MARCHF8: variants seen among roughly 807,000 people sequenced by gnomAD.
The protein encoded by MARCHF8 is membrane associated ring-CH-type finger 8, also known as E3 ubiquitin-protein ligase MARCHF8.
A neutral mutation model predicts 51.6 loss-of-function variants in MARCHF8; 40 were observed. The observed-to-expected ratio is 0.77, with a 90% confidence interval of 0.60 to 1.01. The LOEUF (loss-of-function observed/expected upper bound fraction) is 1.01, where lower values mean the gene tolerates loss of function less well. MARCHF8 is among the 50% of genes least tolerant of loss of function. The pLI is 0.00. For synonymous variants in MARCHF8, 263 were observed against 280.3 expected (o/e 0.94, Z 0.62); for missense variants, 685 against 708.6 (o/e 0.97, Z 0.38).
At chr10:45,582,775 G>A (rs1450840633) in intron 1 of MARCHF8, among the ~76,000 whole-genome samples, 1 of 152,126 alleles carries the variant, frequency 6.6e-6, no homozygotes, top group African/African-American at 2.4e-5. Context: ...CATCTACCAA[G>A]AATCTGTATT....
chr10:45,490,739 G>A (rs903029927), intron 2 of MARCHF8, among the ~76,000 whole-genome samples: 1 of 152,144 alleles, frequency 6.6e-6, no homozygotes, highest in African/African-American at 2.4e-5. Context: ...TATTGCCTAA[G>A]GAAGAGAAGA....
At position 45,463,150 on chromosome 10, in the gene MARCHF8, C is replaced by A; in HGVS notation, c.1088+1G>T. 6.5e-7 allele frequency: 1 copy of A among 1,547,282 alleles called. No homozygotes were observed. Among genetic ancestry groups the A allele is most frequent in the Non-Finnish European group, 8.7e-7 (1 of 1,144,960 alleles). ...AGAATGGCACTTCCTGGCAAACCAA[C>A]CTGCAGACATCCCCTGACGTGGACA... is the stretch of plus-strand genomic sequence containing the variant. On this transcript the variant is annotated splice_donor_variant, in intron 5 of 7. Coordinates refer to ENST00000453424, the MANE Select transcript of MARCHF8 (RefSeq NM_001282866.2). LOFTEE classifies it high-confidence loss of function.
At chr10:45,466,989 C>T (rs1209581705) in intron 3 of MARCHF8, among the ~76,000 whole-genome samples, 2 of 152,156 alleles carry the variant, frequency 1.3e-5, no homozygotes, top group African/African-American at 2.4e-5. Flanking sequence ...CTGTGTGGTT[C>T]CCCATGTGTG....
rs1010202680 is a variant in MARCHF8 at position 45,549,499 on chromosome 10, C to CTT, written c.-78-16211_-78-16210insAA. On this transcript the variant is annotated intron_variant, in intron 1 of 6. Transcript: ENST00000319836. Reference sequence around the variant, plus strand: ...TTGGCAGCAGCATCCCAAGACAGTTCACCCACTACACATGGTGCCTCTGCT... The same window carrying CTT: ...TTGGCAGCAGCATCCCAAGACAGTTCTTACCCACTACACATGGTGCCTCTGCT... Among the ~76,000 whole-genome samples, 48 of 152,192 alleles carry CTT rather than the reference C, an allele frequency of 3.2e-4. 1 individual carries two copies. The highest frequency in any genetic ancestry group is 1.0e-3 in the African/African-American group (43 of 41,446).
At chr10:45,466,961 G>C (rs1266249412) in intron 3 of MARCHF8, among the ~76,000 whole-genome samples, 1 of 152,172 alleles carries the variant, frequency 6.6e-6, no homozygotes, top group Non-Finnish European at 1.5e-5. Context: ...ACACACGTCA[G>C]GACATGTGTT....
intron 2 of MARCHF8, among the ~76,000 whole-genome samples, chr10:45,510,855 G>A (rs937281322): frequency 7.2e-5 from 11 of 152,166 alleles, no homozygotes; most frequent in African/African-American, 2.7e-4. Context: ...GAAGTGGAAG[G>A]AGGAGGAGAG....
At position 45,482,900 on chromosome 10, in the gene MARCHF8, C is replaced by CCT. The variant is rs572559646; in HGVS notation, c.153+6465_153+6466dup. Among the ~76,000 whole-genome samples the CCT allele has an allele frequency of 9.9e-5, 15 of 152,192 alleles. No individual in the cohort carries two copies. The East Asian group carries it at 2.9e-3, about 29-fold the overall frequency. ...AAAACATGCGTTAGGGAAAGGATAC[C>CCT]CTCTCAATAAATGGTGCTGGGAAAA... On this transcript the variant is annotated intron_variant, in intron 3 of 7. Transcript: ENST00000453424.
intron 1 of MARCHF8, among the ~76,000 whole-genome samples, chr10:45,549,963 T>C (rs2044175882): frequency 6.6e-6 from 1 of 152,160 alleles, no homozygotes; most frequent in Non-Finnish European, 1.5e-5. Context: ...TCAGGTACTC[T>C]GTTACAGCAG....
intron 1 of MARCHF8, among the ~76,000 whole-genome samples, chr10:45,533,712 A>G (rs2043927928): frequency 6.6e-6 from 1 of 152,216 alleles, no homozygotes; most frequent in Non-Finnish European, 1.5e-5. Context: ...GAGGTTAGGA[A>G]GTCCAAATTA....
chr10:45,583,910 G>A (rs2044582422), intron 1 of MARCHF8, among the ~76,000 whole-genome samples: 1 of 150,046 alleles, frequency 6.7e-6, no homozygotes, highest in South Asian at 2.1e-4. Context: ...GGAGGCTGAG[G>A]CAGAGAATTG....
chr10:45,497,725 T>G (rs896583244), intron 2 of MARCHF8, among the ~76,000 whole-genome samples: 1 of 152,048 alleles, frequency 6.6e-6, no homozygotes, highest in Non-Finnish European at 1.5e-5. Flanking sequence ...ACTAGAAAAT[T>G]TATTTGAGAT....
upstream of MARCHF8, among the ~76,000 whole-genome samples, chr10:45,536,622 G>A (rs938149928): frequency 2.6e-5 from 4 of 151,400 alleles, no homozygotes; most frequent in African/African-American, 9.7e-5. Flanking sequence ...ACAACTGACA[G>A]AAGAAAAAGT....
At chr10:45,574,461 C>G (rs1186978819) in intron 1 of MARCHF8, among the ~76,000 whole-genome samples, 2 of 152,146 alleles carry the variant, frequency 1.3e-5, no homozygotes, top group Non-Finnish European at 2.9e-5. Context: ...CTCAAACATG[C>G]TTTCTTTACT....
intron 1 of MARCHF8, among the ~76,000 whole-genome samples, chr10:45,584,793 C>G (rs79490183): frequency 0.062 from 9,385 of 152,176 alleles, 332 homozygotes; most frequent in Non-Finnish European, 0.066. Flanking sequence ...CAGAGAGATT[C>G]AAAGCATGAG....
chr10:45,584,083 G>A (rs1288806825), intron 1 of MARCHF8, among the ~76,000 whole-genome samples: 2 of 130,168 alleles, frequency 1.5e-5, no homozygotes, highest in African/African-American at 2.9e-5. Context: ...CAGGGAAGAT[G>A]CACATGATTT....
chr10:45,591,973 A>T (rs1320745615), intron 1 of MARCHF8, among the ~76,000 whole-genome samples: 1 of 152,116 alleles, frequency 6.6e-6, no homozygotes, highest in African/African-American at 2.4e-5. Flanking sequence ...CTCAATTTCC[A>T]TAGCATTTGT....
intron 2 of MARCHF8, among the ~76,000 whole-genome samples, chr10:45,509,956 T>G (rs1481504677): frequency 6.6e-6 from 1 of 151,650 alleles, no homozygotes; most frequent in Admixed American, 6.6e-5. Flanking sequence ...ACACTCTTGC[T>G]GTGCCCAGCT....
At chr10:45,508,834 T>C (rs1295843347) in intron 2 of MARCHF8, among the ~76,000 whole-genome samples, 1 of 152,188 alleles carries the variant, frequency 6.6e-6, no homozygotes, top group Non-Finnish European at 1.5e-5. Flanking sequence ...TTGTTTAAAA[T>C]TTTTTTATTG....
chr10:45,488,244 G>A (rs1564480025), intron 3 of MARCHF8, among the ~76,000 whole-genome samples: 1 of 152,140 alleles, frequency 6.6e-6, no homozygotes, highest in Non-Finnish European at 1.5e-5. Context: ...TCTGGCCAGG[G>A]AGATGTAAGC....
Sources: allele counts gnomAD v4.1 joint callset (sites outside exome capture counted in the v4.1 genomes callset), GRCh38; gene constraint gnomAD v4.1.1; transcripts MANE v1.5; gene names NCBI Gene and HGNC (gene_info 2026-07-23, HGNC 2026-07-21).